Variants in CACNA1C observed in about 807,000 individuals in gnomAD.
CACNA1C encodes calcium voltage-gated channel subunit alpha1 C, also known as voltage-dependent L-type calcium channel subunit alpha-1C.
CACNA1C carries 30 observed loss-of-function variants against 229.0 expected under a neutral mutation model. The observed-to-expected ratio is 0.13, with a 90% CI of 0.10 to 0.18. CACNA1C has a LOEUF of 0.18. CACNA1C is among the 10% of genes least tolerant of loss of function. The pLI is 1.00. For missense variants in CACNA1C, 1,658 were observed against 2,845.0 expected (o/e 0.58, Z 9.49); for synonymous variants, 1,114 against 1,132.5 (o/e 0.98, Z 0.33).
chr12:1,981,005 A>T (rs972220575), intron 1 of CACNA1C, among the ~76,000 whole-genome samples: 1 of 152,158 alleles, frequency 6.6e-6, no homozygotes, highest in African/African-American at 2.4e-5. Context: ...TATTATATAT[A>T]TGCATTATAC....
At chr12:2,674,488 A>G (rs1569188850) in intron 38 of CACNA1C, 53 bp from the exon 39 acceptor site, 1 of 1,537,214 alleles carries the variant, frequency 6.5e-7, no homozygotes, top group East Asian at 2.5e-5. Flanking sequence ...ACGCAGAGGG[A>G]CCCAGCCCAT....
At chr12:2,070,133 A>G (rs1177139554) in intron 1 of CACNA1C, among the ~76,000 whole-genome samples, 3 of 152,214 alleles carry the variant, frequency 2.0e-5, no homozygotes, top group Non-Finnish European at 4.4e-5. Flanking sequence ...CTAAATTTGC[A>G]TTAAGAAAGA....
At chr12:2,550,558 G>A (rs778329461) in intron 10 of CACNA1C, 1 of 1,351,782 alleles carries the variant, frequency 7.4e-7, no homozygotes, top group Non-Finnish European at 9.8e-7. Context: ...GGAAGCAGAA[G>A]TGCAGTGGAG....
chr12:2,585,970 C>T lies in CACNA1C; in HGVS notation c.2530+66C>T, dbSNP rs56291949. The stretch of plus-strand genomic sequence containing the variant: ...GGCAGAGATCTAAATTCTAAAGCCA[C>T]GTGGGAGTGGCCATATATTAGGGAC... On this transcript the variant is annotated intron_variant, in intron 18 of 46. Transcript: ENST00000399655. This position sits in a 1 kb window ranked among gnomAD's most constrained non-coding sequence, Gnocchi z 4.1. The T allele has an allele frequency of 0.018, 17,931 of 979,740 alleles. 374 individuals carry two copies. Among genetic ancestry groups the T allele is most frequent in the Non-Finnish European group, 0.017 (11,068 of 657,450 alleles). The allele number at this position is 979,740 out of a possible 1,614,324, so 60.7% of individuals were successfully genotyped here.
At position 2,229,702 on chromosome 12, in the gene CACNA1C, TC is replaced by T. The variant is rs936539508; in HGVS notation, c.477+109273del. Among the ~76,000 whole-genome samples the T allele has an allele frequency of 9.2e-5, 14 of 152,028 alleles. 1 individual carries two copies. The highest frequency in any genetic ancestry group is 7.9e-4 in the Admixed American group (12 of 15,272). On this transcript the variant is annotated intron_variant, in intron 3 of 46. Coordinates refer to ENST00000399655, the MANE Select transcript of CACNA1C (RefSeq NM_000719.7). ...GGGGGTCAGCAGGGTAGACTGACAT[TC>T]GAGAGGAACGCATTCCAGGCAGAGG... is the stretch of plus-strand genomic sequence containing the variant.
At chr12:2,617,017 T>A (rs978872542) in intron 29 of CACNA1C, among the ~76,000 whole-genome samples, 1 of 152,236 alleles carries the variant, frequency 6.6e-6, no homozygotes, top group Non-Finnish European at 1.5e-5. Flanking sequence ...GCAGTTCAGT[T>A]GCCACAGTCT....
Position 2,322,453 on chromosome 12 carries a change from C to T in CACNA1C, c.478-126523C>T, listed in dbSNP as rs1445088351. The stretch of plus-strand genomic sequence containing the variant: ...AATGGCCACCAGTGGTCATGATGCC[C>T]GGGCATGTGTGGCGCTGTACAGTCA... On this transcript the variant is annotated intron_variant, in intron 3 of 46. Transcript: ENST00000399655. Among the ~76,000 whole-genome samples, 8 of 152,188 alleles carry T rather than the reference C, an allele frequency of 5.3e-5. 1 individual carries two copies. The South Asian group carries it at 6.2e-4, about 12-fold the overall frequency.
intron 15 of CACNA1C, among the ~76,000 whole-genome samples, chr12:2,584,125 C>G (rs1447193087): frequency 6.6e-6 from 1 of 152,222 alleles, no homozygotes; most frequent in Non-Finnish European, 1.5e-5. Flanking sequence ...TATAATAAAC[C>G]GCTCTTAAGA....
intron 3 of CACNA1C, among the ~76,000 whole-genome samples, chr12:2,416,357 G>A (rs1280713283): frequency 6.6e-6 from 1 of 151,992 alleles, no homozygotes; most frequent in East Asian, 1.9e-4. Flanking sequence ...TGGAAGGAGT[G>A]GTGGAAGAAA....
intron 3 of CACNA1C, among the ~76,000 whole-genome samples, chr12:2,154,916 G>C (rs1262377941): frequency 6.6e-6 from 1 of 152,192 alleles, no homozygotes; most frequent in Non-Finnish European, 1.5e-5. Context: ...CCAAAGTGGG[G>C]TATTCCCTCA....
At chr12:2,405,390 G>A (rs969157374) in intron 3 of CACNA1C, among the ~76,000 whole-genome samples, 3 of 152,104 alleles carry the variant, frequency 2.0e-5, no homozygotes, top group East Asian at 1.9e-4. Flanking sequence ...GATCTTCCCC[G>A]TGTGCACATT....
intron 1 of CACNA1C, among the ~76,000 whole-genome samples, chr12:2,037,647 A>G (rs2049376587): frequency 6.6e-6 from 1 of 152,204 alleles, no homozygotes; most frequent in African/African-American, 2.4e-5. Flanking sequence ...CGTACCAGTC[A>G]TGGAAGGGTT....
At position 2,101,444 on chromosome 12, in the gene CACNA1C, C is replaced by T. The variant is rs572975292; in HGVS notation, c.50-13780C>T. Among the ~76,000 whole-genome samples the T allele has an allele frequency of 5.9e-5, 9 of 152,348 alleles. No individual in the cohort carries two copies. The East Asian group carries it at 1.7e-3, about 29-fold the overall frequency. On this transcript the variant is annotated intron_variant, in intron 1 of 46. Transcript: ENST00000399655. ...CTAGGAGGGGTTAGGGGCTCAACCT[C>T]CCCCTCCCAGGTGGGGCTGTGGGAG...
intron 3 of CACNA1C, among the ~76,000 whole-genome samples, chr12:2,216,802 G>A (rs1432029557): frequency 6.6e-6 from 1 of 152,208 alleles, no homozygotes; most frequent in Non-Finnish European, 1.5e-5. Flanking sequence ...TTTAAAGACA[G>A]AAGGCAAAAT....
chr12:2,052,968 G>A (rs1027768149), upstream of CACNA1C: 11 of 980,826 alleles, frequency 1.1e-5, no homozygotes, highest in Non-Finnish European at 1.3e-5. Flanking sequence ...AGTGAGCGCG[G>A]CGCTCTCGCG....
At chr12:2,262,213 G>A (rs564501741) in intron 3 of CACNA1C, among the ~76,000 whole-genome samples, 3 of 152,296 alleles carry the variant, frequency 2.0e-5, no homozygotes, top group South Asian at 2.1e-4. Flanking sequence ...TCCCATCAGG[G>A]GCTTGCAGAC....
rs577040473 is a variant in CACNA1C at position 2,544,725 on chromosome 12, G to T, written c.1391-5218G>T. ...TGCTGGTTGTGAAAGCATTTTCCCT[G>T]CAAAAAGTCGAGATGCTTGAAGAAG... On this transcript the variant is annotated intron_variant, in intron 9 of 46. Transcript: ENST00000399655. Among the ~76,000 whole-genome samples the T allele has an allele frequency of 1.2e-4, 18 of 152,312 alleles. 1 individual carries two copies. The South Asian group carries it at 3.7e-3, about 32-fold the overall frequency.
At chr12:2,513,834 G>A (rs118060704) in intron 9 of CACNA1C, among the ~76,000 whole-genome samples, 4,005 of 152,252 alleles carry the variant, frequency 0.026, 75 homozygotes, top group Non-Finnish European at 0.04. Flanking sequence ...TGGGGCCCAG[G>A]AATCTCTGTT....
chr12:2,535,580 C>A (rs998617396), intron 9 of CACNA1C, among the ~76,000 whole-genome samples: 1 of 150,268 alleles, frequency 6.7e-6, no homozygotes, highest in African/African-American at 2.5e-5. Flanking sequence ...GTTGTGTGGG[C>A]CTGTAATCCT....
Sources: gnomAD v4.1 joint callset for allele counts (sites outside exome capture counted in the v4.1 genomes callset) on GRCh38, gnomAD v4.1.1 for gene constraint, Gnocchi (gnomAD v3.1) non-coding constraint, MANE v1.5 for transcripts, NCBI Gene and HGNC (gene_info 2026-07-23, HGNC 2026-07-21) for gene names.